The following USP10 variants were observed in gnomAD, a reference collection of about 807,000 sequenced individuals.
The protein encoded by USP10 is ubiquitin carboxyl-terminal hydrolase 10.
A neutral mutation model predicts 84.5 loss-of-function variants in USP10; 22 were observed. The observed-to-expected ratio is 0.26, with a 90% CI of 0.19 to 0.37. USP10 has a LOEUF of 0.37. USP10 is among the 10% of genes least tolerant of loss of function. The pLI is 1.00. For missense variants in USP10, 1,019 were observed against 998.9 expected (o/e 1.02, Z -0.27); for synonymous variants, 454 against 387.6 (o/e 1.17, Z -2.01).
chr16:84,712,016 G>A (rs1030401703), intron 1 of USP10, among the ~76,000 whole-genome samples: 9 of 152,082 alleles, frequency 5.9e-5, no homozygotes, highest in African/African-American at 1.7e-4. Context: ...CACCGCGCCC[G>A]GTGGCTTTTG....
At chr16:84,705,334 T>C (rs1410926693) in intron 1 of USP10, among the ~76,000 whole-genome samples, 4 of 151,908 alleles carry the variant, frequency 2.6e-5, no homozygotes, top group Non-Finnish European at 5.9e-5. Flanking sequence ...CGGGTTCAAG[T>C]GATTCTCCTG....
At chr16:84,772,808 G>A in intron 12 of USP10, 123 bp downstream of exon 12, 1 of 1,321,756 alleles carries the variant, frequency 7.6e-7, no homozygotes. Context: ...ACGTGGACTT[G>A]TTTTAAGTTT....
In USP10 at chr16:84,734,703, G is replaced by C. The variant is rs188230551; in HGVS notation, c.90+1200G>C. Among the ~76,000 whole-genome samples, 302 of 152,164 alleles carry C rather than the reference G, an allele frequency of 2.0e-3. 2 individuals are homozygous for C. The highest frequency in any genetic ancestry group is 6.6e-3 in the African/African-American group (276 of 41,518). ...ATTTTTAGTTTTAAAAATATCTTTA[G>C]GAAATTCTTCCCATCCTTTAGATAA... On this transcript the variant is annotated intron_variant, in intron 2 of 13. Transcript: ENST00000219473.
chr16:84,740,257 T>C (rs2150814340), intron 2 of USP10, 52 bp from the exon 3 acceptor site: 3 of 1,527,406 alleles, frequency 2.0e-6, no homozygotes, highest in Non-Finnish European at 2.7e-6. Context: ...ATGGTAAGCG[T>C]TGGTTTTAAC....
rs771308500 is a variant in USP10, at chr16:84,740,367, A to T, written c.149A>T (p.Asp50Val). The change falls in exon 3 of 14, where the codon GAT becomes GTT. Residue 50 changes from aspartate to valine, a missense_variant and splice_region_variant. Physicochemically the swap from Asp to Val is radical, Grantham distance 152. Coordinates refer to ENST00000219473, the MANE Select transcript of USP10 (RefSeq NM_005153.3). ...ACACAGGCTGTGGATAAACTACCTG[A>T]TGGTAAGCTAGTTCTCTCCTTATTT... is the stretch of plus-strand genomic sequence containing the variant. ...CGTQAVDKLP[D>V]GQEYQRIEFG... 2.4e-5 allele frequency: 39 copies of T among 1,612,318 alleles called. No homozygotes were observed. The highest frequency in any genetic ancestry group is 2.1e-5 in the Non-Finnish European group (25 of 1,178,850).
At chr16:84,713,652 C>T (rs1906607984) in intron 1 of USP10, among the ~76,000 whole-genome samples, 2 of 152,150 alleles carry the variant, frequency 1.3e-5, no homozygotes, top group South Asian at 4.1e-4. Context: ...GAAAGACATA[C>T]CACAGTGGAC....
chr16:84,764,278 G>A lies in USP10; in HGVS notation c.1832+15G>A, dbSNP rs765787014. On this transcript the variant is annotated intron_variant, in intron 10 of 13. Transcript: ENST00000219473. ...GGACACATCAGGTTTGTGCTTTTCT[G>A]GAATAACTTAATATTTGCCTTTTCT... 1 of 1,613,884 alleles carries A rather than the reference G, an allele frequency of 6.2e-7. No individual in the cohort carries two copies. Among genetic ancestry groups the A allele is most frequent in the Non-Finnish European group, 8.5e-7 (1 of 1,179,850 alleles).
At chr16:84,768,837 C>A (rs1317404299) in intron 11 of USP10, among the ~76,000 whole-genome samples, 2 of 152,148 alleles carry the variant, frequency 1.3e-5, no homozygotes, top group East Asian at 3.8e-4. Context: ...TGTTCTGATG[C>A]TTGTTACTCT....
chr16:84,712,054 C>T (rs67729455), intron 1 of USP10, among the ~76,000 whole-genome samples: 14,615 of 152,174 alleles, frequency 0.096, 1,106 homozygotes, highest in South Asian at 0.29. Context: ...AAACACCTTG[C>T]AGCTGTGCTT....
intron 4 of USP10, among the ~76,000 whole-genome samples, chr16:84,747,626 C>T (rs1438646713): frequency 7.4e-6 from 1 of 134,842 alleles, no homozygotes; most frequent in Non-Finnish European, 1.5e-5. Flanking sequence ...GCAGGAGGCA[C>T]GATCTTGGCT....
intron 1 of USP10, among the ~76,000 whole-genome samples, chr16:84,706,946 G>A (rs1393827879): frequency 6.6e-6 from 1 of 152,126 alleles, no homozygotes; most frequent in East Asian, 1.9e-4. Flanking sequence ...CATTGTAGTA[G>A]TCATCATTTG....
chr16:84,729,413 A>G (rs1226348688), intron 1 of USP10, among the ~76,000 whole-genome samples: 1 of 152,218 alleles, frequency 6.6e-6, no homozygotes, highest in East Asian at 1.9e-4. Flanking sequence ...TAACTCCCCA[A>G]ATAGAGGATT....
intron 11 of USP10, among the ~76,000 whole-genome samples, chr16:84,769,854 G>A (rs746526430): frequency 6.6e-6 from 1 of 152,108 alleles, no homozygotes; most frequent in South Asian, 2.1e-4. Context: ...CGGTGTGGGG[G>A]CAGGGGTTGA....
rs781048244 is a variant in USP10, at chr16:84,733,415, ACT to A, written c.22-15_22-14del. On this transcript the variant is annotated intron_variant, in intron 1 of 13. Coordinates refer to ENST00000219473, the MANE Select transcript of USP10 (RefSeq NM_005153.3). Reference sequence around the variant, plus strand: ...ATTTGTATATTTTATGTGATCAGTGACTCTCTTATTTTTTTTCAGTATATTTT... The same window carrying A: ...ATTTGTATATTTTATGTGATCAGTGACTCTTATTTTTTTTCAGTATATTTT... 10 of 1,549,078 alleles carry A rather than the reference ACT, an allele frequency of 6.5e-6. No homozygotes were observed. In the South Asian group the frequency reaches 8.1e-5, roughly 13 times the overall value.
At position 84,770,180 on chromosome 16, in the gene USP10, C is replaced by T. The variant is rs534456504; in HGVS notation, c.1998+1822C>T. On this transcript the variant is annotated intron_variant, in intron 11 of 13. Transcript: ENST00000219473. The stretch of plus-strand genomic sequence containing the variant: ...ACTCCGGAAGATAAAAAGGATGCTG[C>T]CAGCCGTTCTGGGTGCGTGGTTGTG... Among the ~76,000 whole-genome samples the T allele has an allele frequency of 4.3e-4, 65 of 152,274 alleles. 1 individual carries two copies. The South Asian group carries it at 9.5e-3, about 22-fold the overall frequency.
At chr16:84,720,416 C>G (rs545536677) in intron 1 of USP10, among the ~76,000 whole-genome samples, 2 of 152,042 alleles carry the variant, frequency 1.3e-5, no homozygotes, top group Admixed American at 6.6e-5. Context: ...CAGTAATTGT[C>G]TTTGTGTGGA....
intron 4 of USP10, among the ~76,000 whole-genome samples, chr16:84,757,945 A>G (rs997726550): frequency 6.6e-6 from 1 of 152,254 alleles, no homozygotes; most frequent in Non-Finnish European, 1.5e-5. Context: ...TATAAATTGT[A>G]GCCATCACCA....
At chr16:84,756,543 A>G (rs1046623044) in intron 4 of USP10, among the ~76,000 whole-genome samples, 1 of 152,180 alleles carries the variant, frequency 6.6e-6, no homozygotes, top group African/African-American at 2.4e-5. Context: ...CAGTGAGCCA[A>G]GATTGCACCA....
rs1025591978 is a variant in USP10, at chr16:84,704,613, G to A, written c.21+4502G>A. 2.5e-6 allele frequency: 3 copies of A among 1,193,560 alleles called. No individual in the cohort carries two copies. In the African/African-American group the frequency reaches 4.6e-5, roughly 18 times the overall value. 73.9% of individuals were successfully genotyped at this position (1,193,560 alleles called of 1,614,324 possible). On this transcript the variant is annotated intron_variant, in intron 1 of 13. Coordinates refer to ENST00000219473, the MANE Select transcript of USP10 (RefSeq NM_005153.3). ...GAATTAGTGTAGGAAAATAAAGGTA[G>A]CCCTTGGGGTATGTGTATAGTATTT...
Sources: allele counts gnomAD v4.1 joint callset (sites outside exome capture counted in the v4.1 genomes callset), GRCh38; gene constraint gnomAD v4.1.1; transcripts MANE v1.5; gene names NCBI Gene and HGNC (gene_info 2026-07-23, HGNC 2026-07-21).